The following FRMPD2 variants were observed in gnomAD, a reference collection of about 807,000 sequenced individuals.
FRMPD2 encodes FERM and PDZ domain containing 2.
In FRMPD2, 96 loss-of-function variants were observed where a neutral mutation model predicts 140.1. The observed-to-expected ratio is 0.69, with a 90% CI of 0.58 to 0.81. The LOEUF (loss-of-function observed/expected upper bound fraction) is 0.81, where lower values mean the gene tolerates loss of function less well. Ranked by LOEUF, FRMPD2 falls within the 40% of genes least tolerant of loss-of-function variation. FRMPD2 has a pLI of 0.00. For synonymous variants in FRMPD2, 449 were observed against 547.6 expected, an observed-to-expected ratio of 0.82 and a Z score of 2.52; for missense variants, 1,240 against 1,447.4, an observed-to-expected ratio of 0.86 and a Z score of 2.32.
At chr10:48,190,310 A>G (rs755574871) in intron 16 of FRMPD2, among the ~76,000 whole-genome samples, 3 of 151,680 alleles carry the variant, frequency 2.0e-5, no homozygotes, top group Non-Finnish European at 2.9e-5. Context: ...CTCCACCCCC[A>G]CTATTCCCAC....
chr10:48,239,950 A>AT (rs1341983927), intron 6 of FRMPD2, among the ~76,000 whole-genome samples: 1 of 152,174 alleles, frequency 6.6e-6, no homozygotes, highest in African/African-American at 2.4e-5. Flanking sequence ...AATAACATTA[A>AT]TTTTTTTAAA....
intron 15 of FRMPD2, among the ~76,000 whole-genome samples, chr10:48,196,083 G>A (rs1244532658): frequency 6.6e-6 from 1 of 152,038 alleles, no homozygotes; most frequent in East Asian, 1.9e-4. Context: ...GAGCCAGGAA[G>A]GAGTTAGGAA....
rs562057540 is a variant in FRMPD2 at position 48,231,413 on chromosome 10, G to A, written c.1168+702C>T. Among the ~76,000 whole-genome samples the A allele has an allele frequency of 2.3e-4, 35 of 152,284 alleles. No individual in the cohort carries two copies. The South Asian group carries it at 5.8e-3, about 25-fold the overall frequency. ...CAAGGGCAGCTCGCCACTCACACAA[G>A]AACACTTGCCTGACACTGTTTTCAC... On this transcript the variant is annotated intron_variant, in intron 10 of 28. Coordinates refer to ENST00000374201, the MANE Select transcript of FRMPD2 (RefSeq NM_001018071.4).
intron 9 of FRMPD2, among the ~76,000 whole-genome samples, chr10:48,233,175 A>G (rs1329890403): frequency 2.0e-5 from 3 of 152,262 alleles, no homozygotes; most frequent in Admixed American, 6.5e-5. Flanking sequence ...TGCCATCGAG[A>G]CCATGCCTGT....
chr10:48,156,800 G>A lies in FRMPD2; in HGVS notation c.*522C>T, dbSNP rs1460077109. Reference sequence around the variant, plus strand: ...TTGGACAAGTTTATTGACTTCTTTGGAACCTCAGTTTTCTCATTTGACAAA... The same window carrying A: ...TTGGACAAGTTTATTGACTTCTTTGAAACCTCAGTTTTCTCATTTGACAAA... On this transcript the variant is annotated 3_prime_UTR_variant, in exon 29 of 29. Transcript: ENST00000374201. The A allele has an allele frequency of 1.5e-5, 3 of 197,984 alleles. No homozygotes were observed. Among genetic ancestry groups the A allele is most frequent in the Non-Finnish European group, 3.1e-5 (3 of 97,126 alleles). 12.3% of individuals were successfully genotyped at this position (197,984 alleles called of 1,614,324 possible).
rs1838861365 is a variant in FRMPD2 at position 48,192,764 on chromosome 10, T to C, written c.2085A>G (p.Ala695=). The C allele has an allele frequency of 6.2e-7, 1 of 1,614,010 alleles. No homozygotes were observed. The highest frequency in any genetic ancestry group is 1.1e-5 in the South Asian group (1 of 91,074). ...ELFVSRLQGA[A]GGLLSTSMDN... ...CCATTGATGTACTCAGCAGGCCTCCTGCAGCACCCTGAAGCCTGGATACAA... is the reference window on the plus strand; with the variant it reads ...CCATTGATGTACTCAGCAGGCCTCCCGCAGCACCCTGAAGCCTGGATACAA... The change falls in exon 16 of 29, where the codon GCA becomes GCG. Residue 695 remains alanine (A), a synonymous_variant. Coordinates refer to ENST00000374201, the MANE Select transcript of FRMPD2 (RefSeq NM_001018071.4).
At chr10:48,214,503 G>T (rs1839402252) in intron 12 of FRMPD2, among the ~76,000 whole-genome samples, 2 of 152,164 alleles carry the variant, frequency 1.3e-5, no homozygotes, top group African/African-American at 4.8e-5. Flanking sequence ...TATGGTGTCT[G>T]TAGGAGAAGG....
intron 28 of FRMPD2, 85 bp from the exon 29 acceptor site, chr10:48,157,455 T>TTTA: frequency 1.1e-6 from 1 of 933,872 alleles, no homozygotes. Flanking sequence ...ATGGGTTGGC[T>TTTA]TTATTATGTG....
intron 5 of FRMPD2, 121 bp from the exon 6 acceptor site, chr10:48,240,613 T>C: frequency 1.5e-6 from 2 of 1,353,240 alleles, no homozygotes; most frequent in Admixed American, 1.9e-5. Context: ...TACGGTGACC[T>C]AAAGATGTGT....
intron 14 of FRMPD2, among the ~76,000 whole-genome samples, chr10:48,202,057 T>C (rs1839098442): frequency 6.6e-6 from 1 of 152,126 alleles, no homozygotes; most frequent in African/African-American, 2.4e-5. Flanking sequence ...TCCAGCTCAC[T>C]GGGCTAAACT....
At chr10:48,272,136 A>G (rs1450108677) in intron 1 of FRMPD2, among the ~76,000 whole-genome samples, 1 of 152,192 alleles carries the variant, frequency 6.6e-6, no homozygotes, top group Admixed American at 6.5e-5. Flanking sequence ...GTTCTTTTTA[A>G]TAAGTCCAAC....
intron 1 of FRMPD2, among the ~76,000 whole-genome samples, chr10:48,263,024 C>T (rs1315471345): frequency 6.6e-6 from 1 of 151,942 alleles, no homozygotes; most frequent in Non-Finnish European, 1.5e-5. Context: ...GCCAGAATAT[C>T]CTCAACTATT....
intron 24 of FRMPD2, among the ~76,000 whole-genome samples, chr10:48,174,160 T>C (rs1386830796): frequency 6.6e-6 from 1 of 152,114 alleles, no homozygotes; most frequent in Non-Finnish European, 1.5e-5. Context: ...CCAAGCTTGC[T>C]GGAAGGGCCT....
chr10:48,225,904 G>A (rs575797570), intron 10 of FRMPD2, among the ~76,000 whole-genome samples: 10 of 152,266 alleles, frequency 6.6e-5, no homozygotes, highest in Non-Finnish European at 8.8e-5. Context: ...GGTTTTATAG[G>A]TCTGAAGGAC....
Position 48,187,250 on chromosome 10 carries a change from G to A in FRMPD2, c.2208C>T (p.Ile736=). 6.2e-7 allele frequency: 1 copy of A among 1,614,106 alleles called. No individual in the cohort carries two copies. The highest frequency in any genetic ancestry group is 2.2e-5 in the East Asian group (1 of 44,864). Residue 736 remains isoleucine, a synonymous_variant, in exon 17 of 29, where the codon ATC becomes ATT. Transcript: ENST00000374201. ...GAGAGTCCCAGGTCATTGGCTTCTG[G>A]ATCACACAGGCACTCTTCAGCTGCT... ...GREQLKSACV[I]QKPMTWDSLS...
intron 12 of FRMPD2, among the ~76,000 whole-genome samples, chr10:48,215,822 G>A (rs947327999): frequency 6.6e-6 from 1 of 152,182 alleles, no homozygotes; most frequent in Non-Finnish European, 1.5e-5. Context: ...TGGAGTGTTG[G>A]TGCTGGTCCA....
At position 48,223,342 on chromosome 10, in the gene FRMPD2, T is replaced by G. The variant is rs908670957; in HGVS notation, c.1169-72A>C. 8.1e-6 allele frequency: 12 copies of G among 1,474,976 alleles called. No individual in the cohort carries two copies. The African/African-American group carries it at 1.4e-4, about 17-fold the overall frequency. The allele number at this position is 1,474,976 out of a possible 1,614,324, so 91.4% of individuals were successfully genotyped here. ...GCACCATCTCTCAGACTCATAGCCCTAAGCCCTACCCAGAGTGTCACACAC... is the reference window on the plus strand; with the variant it reads ...GCACCATCTCTCAGACTCATAGCCCGAAGCCCTACCCAGAGTGTCACACAC... On this transcript the variant is annotated intron_variant, in intron 10 of 28. Transcript: ENST00000374201.
intron 1 of FRMPD2, among the ~76,000 whole-genome samples, chr10:48,253,709 C>T (rs1300062402): frequency 1.3e-5 from 2 of 152,038 alleles, no homozygotes; most frequent in African/African-American, 4.8e-5. Flanking sequence ...CTAATGGAGT[C>T]CTTCAGACTG....
intron 1 of FRMPD2, among the ~76,000 whole-genome samples, chr10:48,254,540 C>T (rs1417502828): frequency 1.3e-5 from 2 of 152,214 alleles, no homozygotes; most frequent in Non-Finnish European, 2.9e-5. Flanking sequence ...TAACAACCAG[C>T]CTGGACTCAC....
Sources: allele counts gnomAD v4.1 joint callset (sites outside exome capture counted in the v4.1 genomes callset), GRCh38; gene constraint gnomAD v4.1.1; transcripts MANE v1.5; gene names NCBI Gene and HGNC (gene_info 2026-07-23, HGNC 2026-07-21).